Variants in SLC25A26 observed in about 807,000 individuals in gnomAD.
The protein encoded by SLC25A26 is mitochondrial S-adenosylmethionine carrier protein.
In SLC25A26, 36 loss-of-function variants were observed where a neutral mutation model predicts 37.8. The ratio of observed to expected loss-of-function variants is 0.95; its 90% CI spans 0.73 to 1.26. The LOEUF is 1.26. SLC25A26 is among the 50% of genes most tolerant of loss of function. The pLI, the probability that SLC25A26 is intolerant of heterozygous loss-of-function variation, is 0.00. For synonymous variants in SLC25A26, 129 were observed against 122.5 expected (o/e 1.05, Z -0.35); for missense variants, 390 against 331.1 (o/e 1.18, Z -1.38).
In SLC25A26 at chr3:66,175,099, A is replaced by G. The variant is rs1304640238; in HGVS notation, c.-354+41115A>G. On this transcript the variant is annotated intron_variant, in intron 1 of 10. Transcript: ENST00000676754. ...AACAGGACATTATATGTATATGTAT[A>G]TGTGTGTGTGTATATATATATATAT... Among the ~76,000 whole-genome samples, 11 of 109,692 alleles carry G rather than the reference A, an allele frequency of 1.0e-4. No individual in the cohort carries two copies. The East Asian group carries it at 2.2e-3, about 22-fold the overall frequency. 72.0% of individuals were successfully genotyped at this position (109,692 alleles called of 152,430 possible). A position where few individuals can be genotyped will look rare whatever the true frequency, so the allele number is the denominator to read the frequency against.
chr3:66,318,972 A>G (rs1000304671), intron 5 of SLC25A26, among the ~76,000 whole-genome samples: 1 of 152,134 alleles, frequency 6.6e-6, no homozygotes, highest in African/African-American at 2.4e-5. Context: ...TAGATTGACA[A>G]ATTTGAGTTA....
chr3:66,173,889 A>G (rs1329838342), intron 1 of SLC25A26, among the ~76,000 whole-genome samples: 1 of 152,076 alleles, frequency 6.6e-6, no homozygotes. Flanking sequence ...TGTCTCTACT[A>G]AAAACACAAA....
intron 5 of SLC25A26, among the ~76,000 whole-genome samples, chr3:66,342,145 C>G (rs867138330): frequency 6.6e-6 from 1 of 152,116 alleles, no homozygotes; most frequent in South Asian, 2.1e-4. Flanking sequence ...CTGTAGATCT[C>G]TTGAAAATTG....
chr3:66,142,631 G>A (rs1250432750), intron 1 of SLC25A26, among the ~76,000 whole-genome samples: 1 of 152,096 alleles, frequency 6.6e-6, no homozygotes, highest in Non-Finnish European at 1.5e-5. Context: ...TTTGTCCAAT[G>A]GTACTGCTGC....
intron 5 of SLC25A26, among the ~76,000 whole-genome samples, chr3:66,293,855 G>C (rs2074802962): frequency 6.6e-6 from 1 of 152,100 alleles, no homozygotes; most frequent in Non-Finnish European, 1.5e-5. Flanking sequence ...ACATACGTGT[G>C]CATGTGTCTT....
chr3:66,191,946 C>T (rs1013929342), intron 1 of SLC25A26, among the ~76,000 whole-genome samples: 6 of 151,648 alleles, frequency 4.0e-5, no homozygotes, highest in Middle Eastern at 3.2e-3. Flanking sequence ...AACCCCCAAT[C>T]TGATGGTATT....
chr3:66,308,789 T>G (rs2075297867), intron 5 of SLC25A26, among the ~76,000 whole-genome samples: 1 of 152,242 alleles, frequency 6.6e-6, no homozygotes. Flanking sequence ...TCTGTTGAGA[T>G]AATCATGTGA....
chr3:66,143,776 C>A (rs2070073008), intron 1 of SLC25A26, among the ~76,000 whole-genome samples: 1 of 152,112 alleles, frequency 6.6e-6, no homozygotes, highest in Non-Finnish European at 1.5e-5. Context: ...CCCAGCTATT[C>A]AGGCTGAGAT....
chr3:66,216,630 T>G (rs1357520819), upstream of SLC25A26, among the ~76,000 whole-genome samples: 8 of 152,218 alleles, frequency 5.3e-5, no homozygotes, highest in African/African-American at 1.9e-4. Context: ...TGTTTTTTTT[T>G]TTGTGCTAGG....
intron 1 of SLC25A26, among the ~76,000 whole-genome samples, chr3:66,169,046 GC>G (rs2070461211): frequency 1.3e-5 from 2 of 152,160 alleles, no homozygotes; most frequent in South Asian, 4.1e-4. Context: ...GATTACTTGA[GC>G]CCAGGTGTTC....
Position 66,158,262 on chromosome 3 carries a change from T to C in SLC25A26, c.-354+24278T>C, listed in dbSNP as rs549977330. On this transcript the variant is annotated intron_variant, in intron 1 of 10. Coordinates refer to the SLC25A26 transcript ENST00000676754. ...TTTAACTTAGCATAATATGTTTAAG[T>C]TTCATCTATGTTGTAGCATGTATTA... 1.8e-4 allele frequency among the ~76,000 whole-genome samples: 27 copies of C among 152,360 alleles called. No homozygotes were observed. The South Asian group carries it at 5.6e-3, about 32-fold the overall frequency.
intron 6 of SLC25A26, among the ~76,000 whole-genome samples, chr3:66,350,206 A>G (rs1170670155): frequency 1.3e-5 from 2 of 152,196 alleles, no homozygotes; most frequent in Non-Finnish European, 2.9e-5. Flanking sequence ...AGACTAGCAG[A>G]TTGCATCACA....
At chr3:66,324,795 A>C (rs1327317880) in intron 5 of SLC25A26, among the ~76,000 whole-genome samples, 3 of 118,816 alleles carry the variant, frequency 2.5e-5, no homozygotes, top group Non-Finnish European at 5.1e-5. Context: ...TTGTAAGCAC[A>C]GGTTTTTTTT....
chr3:66,239,417 A>G (rs1279688774), intron 2 of SLC25A26, among the ~76,000 whole-genome samples: 2 of 152,336 alleles, frequency 1.3e-5, no homozygotes, highest in East Asian at 3.9e-4. Context: ...TCTCATCTAC[A>G]TTAGAAATCT....
intron 1 of SLC25A26, among the ~76,000 whole-genome samples, chr3:66,197,242 A>T (rs999838541): frequency 3.9e-5 from 6 of 152,148 alleles, no homozygotes; most frequent in Non-Finnish European, 8.8e-5. Flanking sequence ...ACCTGACCTT[A>T]CACAATGAGT....
At chr3:66,250,919 C>T (rs2073059477) in intron 3 of SLC25A26, among the ~76,000 whole-genome samples, 3 of 152,170 alleles carry the variant, frequency 2.0e-5, no homozygotes, top group Admixed American at 6.5e-5. Context: ...AGTAAGTCAA[C>T]ATATCCATCA....
At chr3:66,305,460 T>A (rs1285364583) in intron 5 of SLC25A26, among the ~76,000 whole-genome samples, 4 of 152,240 alleles carry the variant, frequency 2.6e-5, no homozygotes, top group Non-Finnish European at 4.4e-5. Context: ...ATTTATTTCA[T>A]TTTAATTTTT....
chr3:66,337,868 T>C (rs1055088798), intron 5 of SLC25A26, among the ~76,000 whole-genome samples: 5 of 152,078 alleles, frequency 3.3e-5, no homozygotes, highest in Admixed American at 6.6e-5. Context: ...TGCTCATTCT[T>C]CACCTTGACT....
chr3:66,272,418 G>T (rs1291012011), intron 5 of SLC25A26, among the ~76,000 whole-genome samples: 1 of 152,080 alleles, frequency 6.6e-6, no homozygotes, highest in Non-Finnish European at 1.5e-5. Context: ...TTAGATAGGC[G>T]TTAGTGCCAG....
Sources: allele counts gnomAD v4.1 joint callset (sites outside exome capture counted in the v4.1 genomes callset), GRCh38; gene constraint gnomAD v4.1.1; transcripts MANE v1.5; gene names NCBI Gene and HGNC (gene_info 2026-07-23, HGNC 2026-07-21).